Variants in NEDD9 observed in about 807,000 individuals in gnomAD.
NEDD9 encodes the protein enhancer of filamentation 1.
A neutral mutation model predicts 76.6 loss-of-function variants in NEDD9; 26 were observed. The ratio of observed to expected loss-of-function variants is 0.34; its 90% CI spans 0.25 to 0.47. The LOEUF is 0.47. NEDD9 is among the 20% of genes least tolerant of loss of function. NEDD9 has a pLI of 1.00. For missense variants in NEDD9, 937 were observed against 1,058.5 expected (o/e 0.89, Z 1.59); for synonymous variants, 392 against 414.2 (o/e 0.95, Z 0.65).
chr6:11,205,661 T>C (rs1277615496), intron 2 of NEDD9, among the ~76,000 whole-genome samples: 1 of 152,020 alleles, frequency 6.6e-6, no homozygotes, highest in Non-Finnish European at 1.5e-5. Flanking sequence ...AGTTTTGCTC[T>C]TGTTGCCCAG....
intron 1 of NEDD9, among the ~76,000 whole-genome samples, chr6:11,215,909 C>G (rs1274163071): frequency 6.6e-6 from 1 of 152,206 alleles, no homozygotes; most frequent in Non-Finnish European, 1.5e-5. Context: ...ACTTCCAACT[C>G]CAAGAGCACC....
At chr6:11,236,231 G>A (rs1759596647), upstream of NEDD9, among the ~76,000 whole-genome samples, 1 of 152,106 alleles carries the variant, frequency 6.6e-6, no homozygotes, top group Non-Finnish European at 1.5e-5. The surrounding 1 kb of genome is among the most constrained non-coding windows in gnomAD (Gnocchi z 5.5). Flanking sequence ...AGAACTCTGG[G>A]CCTCCGGTTC....
intron 1 of NEDD9, among the ~76,000 whole-genome samples, chr6:11,363,219 A>G (rs1247553530): frequency 6.6e-6 from 1 of 152,208 alleles, no homozygotes; most frequent in East Asian, 1.9e-4. Flanking sequence ...ATAACCAAAG[A>G]CCAGAAAACC....
chr6:11,302,801 G>A (rs943297265), intron 3 of NEDD9, among the ~76,000 whole-genome samples: 2 of 152,122 alleles, frequency 1.3e-5, no homozygotes, highest in African/African-American at 4.8e-5. Context: ...AAAGGCCTTC[G>A]ATAAAATTCA....
At chr6:11,276,942 G>GAAACAAACAAAC (rs148488654) in intron 3 of NEDD9, among the ~76,000 whole-genome samples, 7,159 of 150,190 alleles carry the variant, frequency 0.048, 173 homozygotes, top group Middle Eastern at 0.12. Flanking sequence ...ACAGGATCTG[G>GAAACAAACAAAC]AAACAAACAA....
chr6:11,365,259 C>G (rs1203299935), intron 1 of NEDD9, among the ~76,000 whole-genome samples: 1 of 152,168 alleles, frequency 6.6e-6, no homozygotes, highest in Non-Finnish European at 1.5e-5. Context: ...GTGACCCCAA[C>G]ATTCCATAGA....
intron 2 of NEDD9, among the ~76,000 whole-genome samples, chr6:11,212,255 C>T (rs879830303): frequency 6.6e-6 from 1 of 152,192 alleles, no homozygotes; most frequent in East Asian, 1.9e-4. Flanking sequence ...TAATACCAAA[C>T]CTTGTAGGAC....
chr6:11,205,912 G>A (rs887329332), intron 2 of NEDD9, among the ~76,000 whole-genome samples: 4 of 152,124 alleles, frequency 2.6e-5, no homozygotes, highest in South Asian at 2.1e-4. Flanking sequence ...ACAGGCATGC[G>A]CCACTGCGCC....
intron 3 of NEDD9, among the ~76,000 whole-genome samples, chr6:11,273,337 C>G (rs577605703): frequency 1.1e-4 from 16 of 152,330 alleles, no homozygotes; most frequent in African/African-American, 3.8e-4. Flanking sequence ...ATAACTAGCA[C>G]AGAGGTATCA....
intron 1 of NEDD9, among the ~76,000 whole-genome samples, chr6:11,341,425 C>T (rs1401057650): frequency 1.3e-5 from 2 of 152,142 alleles, no homozygotes; most frequent in Non-Finnish European, 2.9e-5. Flanking sequence ...TCCTTGCATG[C>T]GTATGGGAAG....
rs939245397 is a variant in NEDD9, at chr6:11,241,881, C to T, written c.13-28154G>A. On this transcript the variant is annotated intron_variant, in intron 3 of 3. Transcript: ENST00000397378. This position sits in a 1 kb window ranked among gnomAD's most constrained non-coding sequence, Gnocchi z 4.0. Reference sequence around the variant, plus strand: ...GCCCAAGCAGCCGCCAGCTGGCGCTCGTGAGCGCATGAAAGGAATCCGGAT... The same window carrying T: ...GCCCAAGCAGCCGCCAGCTGGCGCTTGTGAGCGCATGAAAGGAATCCGGAT... Among the ~76,000 whole-genome samples, 7 of 152,172 alleles carry T rather than the reference C, an allele frequency of 4.6e-5. No individual in the cohort carries two copies. Among genetic ancestry groups the T allele is most frequent in the Non-Finnish European group, 5.9e-5 (4 of 68,032 alleles).
At chr6:11,290,352 A>G (rs1760738536) in intron 3 of NEDD9, among the ~76,000 whole-genome samples, 1 of 152,212 alleles carries the variant, frequency 6.6e-6, no homozygotes. Flanking sequence ...TGACAGAATC[A>G]AACACAAAAC....
chr6:11,356,467 T>A (rs531046569), intron 1 of NEDD9, among the ~76,000 whole-genome samples: 1 of 152,348 alleles, frequency 6.6e-6, no homozygotes, highest in South Asian at 2.1e-4. Context: ...ATCTCGCAAA[T>A]GGCCAGGACA....
rs530952771 is a variant in NEDD9, at chr6:11,373,102, A to C, written c.-214+9037T>G. Among the ~76,000 whole-genome samples, 112 of 151,506 alleles carry C rather than the reference A, an allele frequency of 7.4e-4. 3 individuals carry two copies. In the South Asian group the frequency reaches 0.022, roughly 30 times the overall value. On this transcript the variant is annotated intron_variant, in intron 1 of 3. Coordinates refer to the NEDD9 transcript ENST00000397378. The stretch of plus-strand genomic sequence containing the variant: ...CTGTCTTCCCAAATCAATTCTTTTG[A>C]AATCAAACACCTTCGTTAAGTGGTT...
At chr6:11,211,875 T>A (rs894104467) in intron 2 of NEDD9, among the ~76,000 whole-genome samples, 1 of 152,144 alleles carries the variant, frequency 6.6e-6, no homozygotes, top group African/African-American at 2.4e-5. Context: ...CCACACAGGG[T>A]CAGGGTCTGG....
At chr6:11,299,152 CCA>C (rs1372746009) in intron 3 of NEDD9, among the ~76,000 whole-genome samples, 8 of 152,048 alleles carry the variant, frequency 5.3e-5, no homozygotes, top group African/African-American at 1.9e-4. Context: ...TGTGCTTTTC[CCA>C]CAGTCTTAGC....
At chr6:11,279,456 G>A (rs1265713866) in intron 3 of NEDD9, among the ~76,000 whole-genome samples, 5 of 152,232 alleles carry the variant, frequency 3.3e-5, no homozygotes, top group Non-Finnish European at 7.3e-5. Flanking sequence ...CCGCGGCACC[G>A]GGAAAAGCGA....
At chr6:11,209,258 C>T (rs1758700875) in intron 2 of NEDD9, among the ~76,000 whole-genome samples, 1 of 152,176 alleles carries the variant, frequency 6.6e-6, no homozygotes, top group Non-Finnish European at 1.5e-5. Flanking sequence ...CCCAAACATT[C>T]TTATAGGCAC....
chr6:11,261,872 G>C (rs1402699613), intron 3 of NEDD9, among the ~76,000 whole-genome samples: 1 of 152,146 alleles, frequency 6.6e-6, no homozygotes, highest in Non-Finnish European at 1.5e-5. Flanking sequence ...CAGACCACCA[G>C]ACAGTCATTA....
Sources: gnomAD v4.1 joint callset for allele counts (sites outside exome capture counted in the v4.1 genomes callset) on GRCh38, gnomAD v4.1.1 for gene constraint, Gnocchi (gnomAD v3.1) non-coding constraint, MANE v1.5 for transcripts, NCBI Gene and HGNC (gene_info 2026-07-23, HGNC 2026-07-21) for gene names.